The following HPRT1 variants were observed in gnomAD, a reference collection of about 807,000 sequenced individuals.
The protein encoded by HPRT1 is hypoxanthine-guanine phosphoribosyltransferase.
Under a neutral mutation model 19.0 loss-of-function variants are expected in HPRT1, and 4 were observed. The ratio of observed to expected loss-of-function variants is 0.21; its 90% CI spans 0.10 to 0.48. HPRT1 has a LOEUF of 0.48. Ranked by LOEUF, HPRT1 falls within the 20% of genes least tolerant of loss-of-function variation. The pLI is 0.98. For synonymous variants in HPRT1, 53 were observed against 54.9 expected (o/e 0.97, Z 0.15); for missense variants, 65 against 164.0 (o/e 0.40, Z 3.30).
Position 134,471,839 on chromosome X carries a change from A to G in HPRT1, c.28-1520A>G, listed in dbSNP as rs559640117. On this transcript the variant is annotated intron_variant, in intron 1 of 8. Coordinates refer to ENST00000298556, the MANE Select transcript of HPRT1 (RefSeq NM_000194.3). Reference sequence around the variant, plus strand: ...TTTTTAGTAGAGATGGGGTTTCACCATGTTGGCCAGGCTGGTCTCTAACTC... The same window carrying G: ...TTTTTAGTAGAGATGGGGTTTCACCGTGTTGGCCAGGCTGGTCTCTAACTC... 9.9e-5 allele frequency among the ~76,000 whole-genome samples: 11 copies of G among 111,208 alleles called. No individual in the cohort carries two copies. The South Asian group carries it at 2.3e-3, about 23-fold the overall frequency.
At chrX:134,468,888 G>T (rs906593301) in intron 1 of HPRT1, among the ~76,000 whole-genome samples, 1 of 110,629 alleles carries the variant, frequency 9.0e-6, no homozygotes, top group East Asian at 2.8e-4. Flanking sequence ...ATTTAATTTC[G>T]TCTGATGATA....
At chrX:134,491,421 A>C (rs1360953754) in intron 5 of HPRT1, among the ~76,000 whole-genome samples, 1 of 111,429 alleles carries the variant, frequency 9.0e-6, no homozygotes, top group African/African-American at 3.3e-5. Flanking sequence ...ACCCATCTGA[A>C]GTTGAAAATA....
chrX:134,487,195 T>G (rs1417301854), intron 4 of HPRT1, among the ~76,000 whole-genome samples: 5 of 112,041 alleles, frequency 4.5e-5, no homozygotes, highest in Non-Finnish European at 1.9e-5. Context: ...CCATTGGTTT[T>G]GGTATATTGT....
chrX:134,479,314 G>A (rs2077633164), intron 3 of HPRT1, among the ~76,000 whole-genome samples: 1 of 111,168 alleles, frequency 9.0e-6, no homozygotes, highest in African/African-American at 3.3e-5. Flanking sequence ...TTGTCCCCCA[G>A]GCTGGAGTGC....
intron 3 of HPRT1, among the ~76,000 whole-genome samples, chrX:134,481,511 CTAT>C (rs1569356503): frequency 2.2e-4 from 18 of 82,286 alleles, no homozygotes; most frequent in African/African-American, 8.1e-4. Flanking sequence ...CTATCTCTAT[CTAT>C]CTATCTATCT....
intron 3 of HPRT1, among the ~76,000 whole-genome samples, chrX:134,475,994 A>G (rs747428670): frequency 8.9e-6 from 1 of 111,914 alleles, no homozygotes; most frequent in Admixed American, 9.5e-5. Context: ...TTTGATTTTT[A>G]TTACTTTAGA....
intron 1 of HPRT1, among the ~76,000 whole-genome samples, chrX:134,469,226 A>C (rs993942118): frequency 1.8e-5 from 2 of 111,543 alleles, no homozygotes; most frequent in African/African-American, 3.3e-5. Flanking sequence ...TATATATAGT[A>C]AGTTGTAACA....
intron 1 of HPRT1, among the ~76,000 whole-genome samples, chrX:134,472,375 A>G (rs1258530847): frequency 9.0e-6 from 1 of 111,563 alleles, no homozygotes; most frequent in Non-Finnish European, 1.9e-5. Flanking sequence ...AGAGAATAGT[A>G]TAATGAATAC....
chrX:134,480,805 TTGTGTGTGTGTGTG>T (rs111997872), intron 3 of HPRT1, among the ~76,000 whole-genome samples: 1 of 91,632 alleles, frequency 1.1e-5, no homozygotes, highest in East Asian at 3.6e-4. Flanking sequence ...ATATGTGTAT[TTGTGTGTGTGTGTG>T]TGTGTGTGTG....
chrX:134,493,865 C>A (rs138591999), intron 6 of HPRT1, among the ~76,000 whole-genome samples: 178 of 111,027 alleles, frequency 1.6e-3, no homozygotes, highest in African/African-American at 5.5e-3. Flanking sequence ...GGATTTTGGG[C>A]CCCCTTGCAA....
At chrX:134,477,043 T>TATTTG (rs2077627242) in intron 3 of HPRT1, among the ~76,000 whole-genome samples, 1 of 106,146 alleles carries the variant, frequency 9.4e-6, no homozygotes, top group Non-Finnish European at 1.9e-5. Flanking sequence ...TATTTTATTT[T>TATTTG]ATTTTATTTT....
At chrX:134,492,261 A>AC (rs1165486106) in intron 5 of HPRT1, among the ~76,000 whole-genome samples, 1,365 of 108,792 alleles carry the variant, frequency 0.013, 26 homozygotes, top group African/African-American at 0.044. Context: ...ACGTACCCAC[A>AC]AAAGTATTAA....
At chrX:134,467,196 A>G (rs1429144102) in intron 1 of HPRT1, among the ~76,000 whole-genome samples, 1 of 109,846 alleles carries the variant, frequency 9.1e-6, no homozygotes, top group Non-Finnish European at 1.9e-5. Context: ...GACTACAGGC[A>G]CGTGCCACCA....
At chrX:134,499,959 TA>T in intron 8 of HPRT1, 70 bp from the exon 9 acceptor site, 1 of 708,415 alleles carries the variant, frequency 1.4e-6, no homozygotes, top group Non-Finnish European at 2.3e-6. Context: ...TTCTTATATG[TA>T]AAATGCTATT....
chrX:134,462,966 T>C (rs1236535662), intron 1 of HPRT1, among the ~76,000 whole-genome samples: 2 of 112,387 alleles, frequency 1.8e-5, no homozygotes, highest in Non-Finnish European at 3.7e-5. Flanking sequence ...GATTCTGCTC[T>C]TAATCTCTAA....
chrX:134,472,761 G>C (rs1430205364), intron 1 of HPRT1, among the ~76,000 whole-genome samples: 2 of 109,805 alleles, frequency 1.8e-5, no homozygotes, highest in African/African-American at 3.3e-5. Flanking sequence ...GAGACGGCGG[G>C]GGGAGGTTTC....
Position 134,500,282 on chromosome X carries a change from G to GT in HPRT1, c.*207dup, listed in dbSNP as rs1231127582. 1.4e-4 allele frequency: 58 copies of GT among 400,818 alleles called. No homozygotes were observed. The highest frequency in any genetic ancestry group is 6.8e-4 in the Middle Eastern group (1 of 1,474). The allele number at this position is 400,818 out of a possible 1,213,427, so 33.0% of individuals were successfully genotyped here. On this transcript the variant is annotated 3_prime_UTR_variant, in exon 9 of 9. Transcript: ENST00000298556. ...TGCACTATGAGCCTATAGACTATCA[G>GT]TTCCCTTTGGGCGGATTGTTGTTTA...
chrX:134,491,935 A>ATG (rs1186239281), intron 5 of HPRT1, among the ~76,000 whole-genome samples: 18 of 100,549 alleles, frequency 1.8e-4, no homozygotes, highest in African/African-American at 3.6e-4. Flanking sequence ...GTATGTATAT[A>ATG]TGTGTGTGTG....
chrX:134,498,571 T>C (rs2077687562), intron 7 of HPRT1, 37 bp from the exon 8 acceptor site: 1 of 1,063,140 alleles, frequency 9.4e-7, no homozygotes, highest in Non-Finnish European at 1.3e-6. Flanking sequence ...AAAGTGATGT[T>C]TTCTTTATCT....
Sources: allele counts gnomAD v4.1 joint callset (sites outside exome capture counted in the v4.1 genomes callset), GRCh38; gene constraint gnomAD v4.1.1; transcripts MANE v1.5; gene names NCBI Gene and HGNC (gene_info 2026-07-23, HGNC 2026-07-21).